ZDHHC20: variants seen among roughly 807,000 people sequenced by gnomAD.
ZDHHC20 encodes the protein palmitoyltransferase ZDHHC20.
ZDHHC20 carries 43 observed loss-of-function variants against 57.8 expected under a neutral mutation model. That is an observed-to-expected ratio of 0.74 (90% CI 0.58 to 0.96). The LOEUF (loss-of-function observed/expected upper bound fraction) is 0.96. Ranked by LOEUF, ZDHHC20 falls within the 40% of genes least tolerant of loss-of-function variation. The pLI is 0.00. For synonymous variants in ZDHHC20, 157 were observed against 153.0 expected, an observed-to-expected ratio of 1.03 and a Z score of -0.19; for missense variants, 391 against 441.1, an observed-to-expected ratio of 0.89 and a Z score of 1.02.
rs1363650807 is a variant in ZDHHC20 at position 21,421,079 on chromosome 13, G to A, written c.231C>T (p.Pro77=). The A allele has an allele frequency of 9.3e-6, 15 of 1,612,314 alleles. No homozygotes were observed. The highest frequency in any genetic ancestry group is 1.3e-5 in the African/African-American group (1 of 74,850). Residue 77 remains proline, a synonymous_variant, in exon 3 of 13, where the codon CCC becomes CCT. Coordinates refer to ENST00000400590, the MANE Select transcript of ZDHHC20 (RefSeq NM_001330059.2). ...AATTTACCTCTTTGGAGGGGGAAGC[G>A]GGAGATGTGAAAATTGTCATCCAAT... ...WSYWMTIFTS[P]ASPSKEFYLS...
rs755636690 is a variant in ZDHHC20 at position 21,374,342 on chromosome 13, C to T, written c.*2354G>A. 2 of 441,560 alleles carry T rather than the reference C, an allele frequency of 4.5e-6. No homozygotes were observed. The highest frequency in any genetic ancestry group is 2.4e-5 in the Admixed American group (1 of 42,028). The allele number at this position is 441,560 out of a possible 1,614,324, so 27.4% of individuals were successfully genotyped here. ...TGGGTTCAAGTGATTCTCCTGCCTC[C>T]ACCTCCCGAGTAGTTGGGACTACAG... is the stretch of plus-strand genomic sequence containing the variant. On this transcript the variant is annotated 3_prime_UTR_variant, in exon 13 of 13. Transcript: ENST00000400590.
chr13:21,439,606 T>A (rs530207826), intron 1 of ZDHHC20, among the ~76,000 whole-genome samples: 10 of 152,034 alleles, frequency 6.6e-5, no homozygotes, highest in Admixed American at 3.3e-4. Flanking sequence ...CTTCCAAATA[T>A]AAGGACACTA....
intron 1 of ZDHHC20, 85 bp downstream of exon 1, chr13:21,458,969 A>T: frequency 2.0e-6 from 2 of 1,019,328 alleles, no homozygotes; most frequent in Non-Finnish European, 1.3e-6. Context: ...GGCTCCAGAA[A>T]GGCGGCGGGT....
At chr13:21,381,051 G>C (rs974440818) in intron 11 of ZDHHC20, among the ~76,000 whole-genome samples, 1 of 151,622 alleles carries the variant, frequency 6.6e-6, no homozygotes, top group Non-Finnish European at 1.5e-5. Context: ...CTGTCACCCA[G>C]GCTGGAGTGC....
At chr13:21,390,616 T>A (rs1022644426) in intron 8 of ZDHHC20, among the ~76,000 whole-genome samples, 22 of 152,096 alleles carry the variant, frequency 1.4e-4, no homozygotes, top group Admixed American at 2.6e-4. Context: ...AGAATATATA[T>A]GGGCTGGGCA....
chr13:21,375,307 TCTC>T lies in ZDHHC20; in HGVS notation c.*1386_*1388del, dbSNP rs1019160197. ...TACTCACAGATGCTGCTGAGATTCATCTCCACCCACTCACTGGAAGCAATCAAT... is the reference window on the plus strand; with the variant it reads ...TACTCACAGATGCTGCTGAGATTCATCACCCACTCACTGGAAGCAATCAAT... On this transcript the variant is annotated 3_prime_UTR_variant, in exon 13 of 13. Coordinates refer to ENST00000400590, the MANE Select transcript of ZDHHC20 (RefSeq NM_001330059.2). 5.2e-6 allele frequency: 2 copies of T among 383,558 alleles called. No homozygotes were observed. The highest frequency in any genetic ancestry group is 4.2e-5 in the African/African-American group (2 of 47,490). The allele number at this position is 383,558 out of a possible 1,614,324, so 23.8% of individuals were successfully genotyped here.
At chr13:21,439,651 C>T (rs1275615572) in intron 1 of ZDHHC20, among the ~76,000 whole-genome samples, 1 of 152,174 alleles carries the variant, frequency 6.6e-6, no homozygotes, top group Non-Finnish European at 1.5e-5. Context: ...TGATCCTAGA[C>T]TGAACTGTGG....
chr13:21,424,001 A>G lies in ZDHHC20; in HGVS notation c.145+1651T>C, dbSNP rs1880959531. 5.9e-5 allele frequency among the ~76,000 whole-genome samples: 9 copies of G among 152,110 alleles called. No individual in the cohort carries two copies. The South Asian group carries it at 1.9e-3, about 31-fold the overall frequency. On this transcript the variant is annotated intron_variant, in intron 2 of 12. Coordinates refer to ENST00000400590, the MANE Select transcript of ZDHHC20 (RefSeq NM_001330059.2). ...TCATAGTTTTAAAAACATTTAATAT[A>G]ATTTTAGAATATTTCCTTTCTTCAT...
intron 1 of ZDHHC20, among the ~76,000 whole-genome samples, chr13:21,456,701 T>C (rs1177611327): frequency 6.6e-6 from 1 of 152,170 alleles, no homozygotes; most frequent in Non-Finnish European, 1.5e-5. Flanking sequence ...TAATACAGCC[T>C]CTACATAAGA....
chr13:21,439,575 T>C (rs1882912694), intron 1 of ZDHHC20, among the ~76,000 whole-genome samples: 1 of 151,890 alleles, frequency 6.6e-6, no homozygotes, highest in Admixed American at 6.6e-5. Context: ...ATCATGATTA[T>C]GAAATAAAGA....
intron 6 of ZDHHC20, 118 bp downstream of exon 6, chr13:21,401,535 A>G (rs1358748677): frequency 2.4e-6 from 2 of 841,448 alleles, no homozygotes; most frequent in African/African-American, 3.5e-5. Context: ...GCATATATGT[A>G]AAGAGATCAA....
intron 1 of ZDHHC20, among the ~76,000 whole-genome samples, chr13:21,449,340 A>C (rs977475496): frequency 2.0e-5 from 3 of 152,250 alleles, no homozygotes; most frequent in African/African-American, 7.2e-5. Context: ...AATAGCAGTC[A>C]TCAGGCAGCT....
At chr13:21,435,380 T>C (rs1219665075) in intron 1 of ZDHHC20, among the ~76,000 whole-genome samples, 1 of 152,128 alleles carries the variant, frequency 6.6e-6, no homozygotes, top group African/African-American at 2.4e-5. Flanking sequence ...AATGACCAAT[T>C]CCAGGGGCAG....
intron 7 of ZDHHC20, among the ~76,000 whole-genome samples, chr13:21,396,776 T>C (rs1876847959): frequency 6.6e-6 from 1 of 151,060 alleles, no homozygotes; most frequent in African/African-American, 2.4e-5. Context: ...AAGGTTACAG[T>C]GAGCTGAGAT....
intron 1 of ZDHHC20, among the ~76,000 whole-genome samples, chr13:21,431,526 G>A (rs9509698): frequency 0.15 from 23,572 of 152,188 alleles, 2,239 homozygotes; most frequent in Non-Finnish European, 0.23. Context: ...TTAAATATGT[G>A]CTTAACTTTA....
intron 1 of ZDHHC20, among the ~76,000 whole-genome samples, chr13:21,441,860 C>A (rs1284417102): frequency 6.6e-6 from 1 of 152,116 alleles, no homozygotes; most frequent in African/African-American, 2.4e-5. Flanking sequence ...ATAATCTGCA[C>A]ACAGAAATAG....
chr13:21,376,501 T>G lies in ZDHHC20; in HGVS notation c.*195A>C, dbSNP rs1872098754. On this transcript the variant is annotated 3_prime_UTR_variant, in exon 13 of 13. Coordinates refer to ENST00000400590, the MANE Select transcript of ZDHHC20 (RefSeq NM_001330059.2). Reference sequence around the variant, plus strand: ...GACACTTAAGATTAAGGCATCATTCTGCTCTGGAGTAGTGCTTCTGTGAAT... The same window carrying G: ...GACACTTAAGATTAAGGCATCATTCGGCTCTGGAGTAGTGCTTCTGTGAAT... 1 of 446,264 alleles carries G rather than the reference T, an allele frequency of 2.2e-6. No homozygotes were observed. Among genetic ancestry groups the G allele is most frequent in the African/African-American group, 2.0e-5 (1 of 48,990 alleles). 27.6% of individuals were successfully genotyped at this position (446,264 alleles called of 1,614,324 possible). A position where few individuals can be genotyped will look rare whatever the true frequency, so the allele number is the denominator to read the frequency against.
intron 1 of ZDHHC20, among the ~76,000 whole-genome samples, chr13:21,427,590 T>C (rs535959207): frequency 3.9e-5 from 6 of 152,120 alleles, no homozygotes; most frequent in African/African-American, 1.2e-4. Flanking sequence ...TCTCAGCACT[T>C]TGGGAGGCTG....
At chr13:21,417,393 G>A (rs912910572) in intron 3 of ZDHHC20, among the ~76,000 whole-genome samples, 1 of 151,920 alleles carries the variant, frequency 6.6e-6, no homozygotes, top group African/African-American at 2.4e-5. Flanking sequence ...CACCCCACCC[G>A]TATTTATAAC....
Sources: gnomAD v4.1 joint callset for allele counts (sites outside exome capture counted in the v4.1 genomes callset) on GRCh38, gnomAD v4.1.1 for gene constraint, MANE v1.5 for transcripts, NCBI Gene and HGNC (gene_info 2026-07-23, HGNC 2026-07-21) for gene names.